The following SMURF2 variants were observed in gnomAD, a reference collection of about 807,000 sequenced individuals.
SMURF2 encodes the protein SMAD specific E3 ubiquitin protein ligase 2.
A neutral mutation model predicts 109.6 loss-of-function variants in SMURF2; 48 were observed. The observed-to-expected ratio is 0.44, with a 90% CI of 0.35 to 0.56. SMURF2 has a LOEUF of 0.56. Ranked by LOEUF, SMURF2 falls within the 20% of genes least tolerant of loss-of-function variation. The pLI, the probability that SMURF2 is intolerant of heterozygous loss-of-function variation, is 0.01. For synonymous variants in SMURF2, 288 were observed against 317.1 expected (o/e 0.91, Z 0.97); for missense variants, 575 against 909.0 (o/e 0.63, Z 4.72).
intron 1 of SMURF2, among the ~76,000 whole-genome samples, chr17:64,635,428 T>C (rs1289021042): frequency 6.6e-6 from 1 of 152,116 alleles, no homozygotes; most frequent in Non-Finnish European, 1.5e-5. Context: ...TGTACAACCA[T>C]CACCAATATC....
rs782691276 is a variant in SMURF2, at chr17:64,555,881, T to C, written c.1549A>G (p.Ile517Val). 15 of 1,613,600 alleles carry C rather than the reference T, an allele frequency of 9.3e-6. No homozygotes were observed. Among genetic ancestry groups the C allele is most frequent in the African/African-American group, 1.3e-5 (1 of 74,890 alleles). Residue 517 changes from isoleucine (I) to valine (V), a missense_variant, in exon 14 of 19, where the codon ATT becomes GTT. This residue lies in a region of SMURF2 where 361 missense variants were observed against 612.1 expected (regional missense o/e 0.59). Coordinates refer to ENST00000262435, the MANE Select transcript of SMURF2 (RefSeq NM_022739.4). Reference sequence around the variant, plus strand: ...ACTAACTCCATGTCATCCAAGGTAATTGACTTCCCAAGCAATTGCTTATAA... The same window carrying C: ...ACTAACTCCATGTCATCCAAGGTAACTGACTTCCCAAGCAATTGCTTATAA... ...PFYKQLLGKSITLDDMELVDP... is the reference protein window; with the variant it reads ...PFYKQLLGKSVTLDDMELVDP...
In SMURF2 at chr17:64,557,366, G is replaced by A. The variant is rs549936217; in HGVS notation, c.1431+242C>T. On this transcript the variant is annotated intron_variant, in intron 13 of 18. Coordinates refer to ENST00000262435, the MANE Select transcript of SMURF2 (RefSeq NM_022739.4). ...TCATGTCATAATTTAATCAGTCCCC[G>A]CTCCTGAAGACAACTATGTTGTTTT... Among the ~76,000 whole-genome samples the A allele has an allele frequency of 2.0e-5, 3 of 152,096 alleles. No individual in the cohort carries two copies. The South Asian group carries it at 6.2e-4, about 32-fold the overall frequency.
At chr17:64,558,965 CTG>C (rs1306442800) in intron 12 of SMURF2, among the ~76,000 whole-genome samples, 1 of 152,098 alleles carries the variant, frequency 6.6e-6, no homozygotes, top group African/African-American at 2.4e-5. Flanking sequence ...TTAAAGGAAA[CTG>C]TTTCAAAATT....
chr17:64,621,736 T>C (rs941930937), intron 1 of SMURF2, among the ~76,000 whole-genome samples: 5 of 151,490 alleles, frequency 3.3e-5, no homozygotes, highest in African/African-American at 1.2e-4. Context: ...TAGCTGGGCA[T>C]GGTGGCACGT....
intron 1 of SMURF2, among the ~76,000 whole-genome samples, chr17:64,607,541 G>A (rs546161631): frequency 2.0e-5 from 3 of 150,852 alleles, no homozygotes; most frequent in Admixed American, 2.0e-4. Context: ...CAGAAGAATC[G>A]CTTGAACCCG....
At chr17:64,621,992 A>G (rs1970212402) in intron 1 of SMURF2, among the ~76,000 whole-genome samples, 1 of 147,176 alleles carries the variant, frequency 6.8e-6, no homozygotes, top group Non-Finnish European at 1.5e-5. Context: ...TAATAAAAAA[A>G]AGCACTGTAG....
chr17:64,602,057 C>A lies in SMURF2; in HGVS notation c.92-3567G>T, dbSNP rs1185075950. 3.3e-5 allele frequency among the ~76,000 whole-genome samples: 5 copies of A among 151,786 alleles called. No homozygotes were observed. The East Asian group carries it at 7.7e-4, about 23-fold the overall frequency. On this transcript the variant is annotated intron_variant, in intron 2 of 18. Coordinates refer to ENST00000262435, the MANE Select transcript of SMURF2 (RefSeq NM_022739.4). ...CTGGATAAAATTGGAGACTATTATT[C>A]TAAGTGAAGTAACTCAAGAATGGAA...
At chr17:64,590,135 TTTTC>T (rs1555687525) in intron 5 of SMURF2, among the ~76,000 whole-genome samples, 1 of 136,898 alleles carries the variant, frequency 7.3e-6, no homozygotes, top group Admixed American at 7.0e-5. Context: ...CCTATTGAAT[TTTTC>T]TTTTCTTTTT....
chr17:64,566,571 T>G (rs1436979631), intron 10 of SMURF2, among the ~76,000 whole-genome samples: 2 of 91,836 alleles, frequency 2.2e-5, no homozygotes, highest in African/African-American at 7.5e-5. Context: ...GTTTTTTTTT[T>G]TTTTTTTTTT....
intron 5 of SMURF2, among the ~76,000 whole-genome samples, chr17:64,588,429 T>TA (rs1969698882): frequency 6.6e-6 from 1 of 152,084 alleles, no homozygotes; most frequent in Non-Finnish European, 1.5e-5. Flanking sequence ...TAAGTTATGA[T>TA]ATATCTATAT....
chr17:64,585,456 A>T (rs1969639908), intron 6 of SMURF2, among the ~76,000 whole-genome samples: 1 of 152,198 alleles, frequency 6.6e-6, no homozygotes, highest in African/African-American at 2.4e-5. Flanking sequence ...ACAGTTTATG[A>T]GTATGCTATT....
rs534841501 is a variant in SMURF2, at chr17:64,637,568, A to G, written c.52+24261T>C. On this transcript the variant is annotated intron_variant, in intron 1 of 18. Coordinates refer to ENST00000262435, the MANE Select transcript of SMURF2 (RefSeq NM_022739.4). ...CCAGTTGGTCCAACACATTATTATT[A>G]TTATTATTTTCTTGAGACGGAGTCT... Among the ~76,000 whole-genome samples the G allele has an allele frequency of 3.3e-5, 5 of 150,912 alleles. No individual in the cohort carries two copies. In the East Asian group the frequency reaches 9.9e-4, roughly 30 times the overall value.
intron 12 of SMURF2, among the ~76,000 whole-genome samples, chr17:64,560,564 A>G (rs560333328): frequency 1.2e-4 from 19 of 152,276 alleles, no homozygotes; most frequent in Admixed American, 1.2e-3. Flanking sequence ...AATTACCACA[A>G]TGATCCTTGG....
intron 13 of SMURF2, among the ~76,000 whole-genome samples, chr17:64,556,890 GCACA>G (rs1568172855): frequency 1.3e-5 from 2 of 151,856 alleles, no homozygotes; most frequent in African/African-American, 2.4e-5. Context: ...ACACGCGCAC[GCACA>G]CAAACATATA....
chr17:64,546,160 G>T, intron 18 of SMURF2, 103 bp downstream of exon 18: 3 of 1,135,060 alleles, frequency 2.6e-6, no homozygotes, highest in Non-Finnish European at 1.3e-6. Flanking sequence ...TCCCTTTAAA[G>T]GCCCATTTAA....
intron 1 of SMURF2, among the ~76,000 whole-genome samples, chr17:64,643,430 A>G (rs578224126): frequency 1.3e-5 from 2 of 152,312 alleles, no homozygotes; most frequent in South Asian, 4.1e-4. Flanking sequence ...TTAATCCTCC[A>G]GATCTATTCT....
intron 8 of SMURF2, among the ~76,000 whole-genome samples, chr17:64,579,157 G>C (rs1969542394): frequency 6.6e-6 from 1 of 152,126 alleles, no homozygotes; most frequent in Admixed American, 6.5e-5. Flanking sequence ...GAGGACTAAA[G>C]AGCAAGCACG....
intron 6 of SMURF2, 105 bp from the exon 7 acceptor site, chr17:64,583,649 C>T: frequency 5.3e-6 from 4 of 756,750 alleles, no homozygotes; most frequent in African/African-American, 5.2e-5. Context: ...AATGCCAACC[C>T]GAAGTATCAA....
At chr17:64,602,285 A>G (rs1169069435) in intron 2 of SMURF2, among the ~76,000 whole-genome samples, 2 of 152,158 alleles carry the variant, frequency 1.3e-5, no homozygotes, top group East Asian at 1.9e-4. Context: ...GTACTTATTC[A>G]TGTAATCAAA....
Sources: allele counts gnomAD v4.1 joint callset (sites outside exome capture counted in the v4.1 genomes callset), GRCh38; gene constraint gnomAD v4.1.1; regional missense constraint gnomAD v4.1.1; transcripts MANE v1.5; gene names NCBI Gene and HGNC (gene_info 2026-07-23, HGNC 2026-07-21).